Variants in MRPL48 observed in about 807,000 individuals in gnomAD.
MRPL48 encodes mitochondrial ribosomal protein L48, also known as large ribosomal subunit protein mL48.
In MRPL48, 16 loss-of-function variants were observed where a neutral mutation model predicts 32.9. The ratio of observed to expected loss-of-function variants is 0.49; its 90% confidence interval spans 0.33 to 0.74. MRPL48 has a LOEUF of 0.74. MRPL48 is among the 30% of genes least tolerant of loss of function. MRPL48 has a pLI of 0.02. For synonymous variants in MRPL48, 94 were observed against 89.2 expected, an observed-to-expected ratio of 1.05 and a Z score of -0.31; for missense variants, 206 against 245.3, an observed-to-expected ratio of 0.84 and a Z score of 1.07.
rs564332545 is a variant in MRPL48, at chr11:73,794,222, AT to A, written c.21+6231del. Among the ~76,000 whole-genome samples the A allele has an allele frequency of 5.7e-3, 860 of 150,328 alleles. 7 individuals are homozygous for A. The highest frequency in any genetic ancestry group is 0.021 in the Middle Eastern group (6 of 292). On this transcript the variant is annotated intron_variant, in intron 1 of 7. Coordinates refer to ENST00000310614, the MANE Select transcript of MRPL48 (RefSeq NM_016055.6). ...TATCTATCTATCTATCTATCTATCTATCTATCTAAACTATCTGTCTCTGAAT... is the reference window on the plus strand; with the variant it reads ...TATCTATCTATCTATCTATCTATCTACTATCTAAACTATCTGTCTCTGAAT...
chr11:73,825,751 C>T lies in MRPL48; in HGVS notation c.156C>T (p.Pro52=). ...TCAGTCGGCCCTACAAGACAAAGCC[C>T]ACCCACGGCATTGGAAAGTACAAGC... ...LSISRPYKTK[P]THGIGKYKHL... is the part of the protein sequence containing the mutation. The change falls in exon 4 of 8, where the codon CCC becomes CCT. Residue 52 remains proline, a synonymous_variant. Coordinates refer to ENST00000310614, the MANE Select transcript of MRPL48 (RefSeq NM_016055.6). 1 of 1,569,972 alleles carries T rather than the reference C, an allele frequency of 6.4e-7. No homozygotes were observed. Among genetic ancestry groups the T allele is most frequent in the Non-Finnish European group, 8.6e-7 (1 of 1,157,566 alleles).
In MRPL48 at chr11:73,843,981, C is replaced by T. The variant is rs188662578; in HGVS notation, c.202-826C>T. 8.6e-5 allele frequency among the ~76,000 whole-genome samples: 13 copies of T among 151,156 alleles called. No homozygotes were observed. The South Asian group carries it at 1.1e-3, about 12-fold the overall frequency. The stretch of plus-strand genomic sequence containing the variant: ...GTAATCCCAGCTACTTGGGAGGCTG[C>T]GGCAGGAGAATCGCTTGAACCCGGG... On this transcript the variant is annotated intron_variant, in intron 4 of 7. Coordinates refer to ENST00000310614, the MANE Select transcript of MRPL48 (RefSeq NM_016055.6).
chr11:73,802,836 ATCACAG>A (rs1947383378), intron 1 of MRPL48, among the ~76,000 whole-genome samples: 1 of 151,912 alleles, frequency 6.6e-6, no homozygotes. Context: ...AGTAGCTGGG[ATCACAG>A]GTGTGCACCA....
chr11:73,844,222 G>C (rs531247866), intron 4 of MRPL48, among the ~76,000 whole-genome samples: 3 of 152,140 alleles, frequency 2.0e-5, no homozygotes, highest in African/African-American at 7.2e-5. Context: ...CTGAGCTCAG[G>C]AGTTTGAGAC....
intron 3 of MRPL48, among the ~76,000 whole-genome samples, chr11:73,811,515 A>T (rs1363899407): frequency 1.3e-5 from 2 of 152,178 alleles, no homozygotes; most frequent in Non-Finnish European, 2.9e-5. Context: ...ATAGAAGAGT[A>T]AAAGAGTAAT....
intron 4 of MRPL48, among the ~76,000 whole-genome samples, chr11:73,833,298 A>C (rs952376881): frequency 5.3e-5 from 8 of 151,998 alleles, no homozygotes; most frequent in African/African-American, 1.9e-4. Flanking sequence ...GGAGTGACTC[A>C]CGTGAAGACC....
At chr11:73,841,191 G>A (rs1565104258) in intron 4 of MRPL48, among the ~76,000 whole-genome samples, 1 of 152,206 alleles carries the variant, frequency 6.6e-6, no homozygotes, top group Non-Finnish European at 1.5e-5. Context: ...TACACTGCTG[G>A]TGGAAGTCTA....
intron 1 of MRPL48, among the ~76,000 whole-genome samples, chr11:73,791,519 C>T (rs561530853): frequency 2.6e-5 from 4 of 151,686 alleles, no homozygotes; most frequent in Admixed American, 6.6e-5. Flanking sequence ...TGGGCTCAAG[C>T]GATCCTCTCG....
chr11:73,864,604 T>C lies in MRPL48; in HGVS notation c.*234T>C. The stretch of plus-strand genomic sequence containing the variant: ...CTAATAAAAATCTGCTGCAGATGTG[T>C]ATATGTATGTGTGTGTGAGAGAGAG... On this transcript the variant is annotated 3_prime_UTR_variant, in exon 8 of 8. Coordinates refer to ENST00000310614, the MANE Select transcript of MRPL48 (RefSeq NM_016055.6). The C allele has an allele frequency of 5.4e-6, 3 of 557,960 alleles. No homozygotes were observed. The highest frequency in any genetic ancestry group is 9.7e-6 in the Non-Finnish European group (3 of 310,556). 34.6% of individuals were successfully genotyped at this position (557,960 alleles called of 1,614,324 possible).
At chr11:73,810,546 G>A (rs73547509) in intron 3 of MRPL48, among the ~76,000 whole-genome samples, 1,680 of 132,108 alleles carry the variant, frequency 0.013, 32 homozygotes, top group African/African-American at 0.05. Context: ...AAATAAGGAT[G>A]TTTTCTTTCT....
At chr11:73,789,653 T>C (rs1160302842) in intron 1 of MRPL48, among the ~76,000 whole-genome samples, 1 of 152,190 alleles carries the variant, frequency 6.6e-6, no homozygotes, top group African/African-American at 2.4e-5. Flanking sequence ...CACATGGAAT[T>C]GTAGAGACTA....
intron 1 of MRPL48, among the ~76,000 whole-genome samples, chr11:73,797,541 T>C (rs1947278927): frequency 6.6e-6 from 1 of 152,222 alleles, no homozygotes; most frequent in Non-Finnish European, 1.5e-5. Flanking sequence ...TGTTCCCCAG[T>C]GCCAGCTGTG....
chr11:73,813,418 C>T (rs1328724606), intron 3 of MRPL48, among the ~76,000 whole-genome samples: 1 of 152,168 alleles, frequency 6.6e-6, no homozygotes, highest in African/African-American at 2.4e-5. Context: ...AGGTGATTCA[C>T]CCACCTCGGC....
At chr11:73,863,087 T>C in intron 6 of MRPL48, 85 bp from the exon 7 acceptor site, 1 of 1,176,522 alleles carries the variant, frequency 8.5e-7, no homozygotes, top group Non-Finnish European at 1.2e-6. Context: ...CTACTGGAGC[T>C]GGCATTTGAA....
intron 3 of MRPL48, among the ~76,000 whole-genome samples, chr11:73,817,651 T>G (rs1367135013): frequency 6.6e-6 from 1 of 152,192 alleles, no homozygotes; most frequent in African/African-American, 2.4e-5. Context: ...TTGCCCATGT[T>G]TCAACTGTGA....
In MRPL48 at chr11:73,844,750, T is replaced by G. The variant is rs148798263; in HGVS notation, c.202-57T>G. The G allele has an allele frequency of 1.7e-3, 2,546 of 1,517,388 alleles. 34 individuals are homozygous for G. In the African/African-American group the frequency reaches 0.028, roughly 17 times the overall value. The allele number at this position is 1,517,388 out of a possible 1,614,324, so 94.0% of individuals were successfully genotyped here. Reference sequence around the variant, plus strand: ...GACTTTTTAAAATATCAAGATAGTATTATTAGAATTTCTTGTATAATACTT... The same window carrying G: ...GACTTTTTAAAATATCAAGATAGTAGTATTAGAATTTCTTGTATAATACTT... On this transcript the variant is annotated intron_variant, in intron 4 of 7. Coordinates refer to ENST00000310614, the MANE Select transcript of MRPL48 (RefSeq NM_016055.6).
chr11:73,850,152 G>A (rs1312870811), intron 5 of MRPL48, among the ~76,000 whole-genome samples: 1 of 151,040 alleles, frequency 6.6e-6, no homozygotes, highest in Admixed American at 6.6e-5. Context: ...CTGTGGCAAG[G>A]TAGTACATGA....
At chr11:73,805,443 C>T (rs1442269785) in intron 2 of MRPL48, among the ~76,000 whole-genome samples, 1 of 150,490 alleles carries the variant, frequency 6.6e-6, no homozygotes, top group Non-Finnish European at 1.5e-5. Context: ...ATTACATGCA[C>T]CTGCCACCAT....
intron 4 of MRPL48, 47 bp downstream of exon 4, chr11:73,825,843 T>C: frequency 6.8e-7 from 1 of 1,465,824 alleles, no homozygotes; most frequent in Non-Finnish European, 9.3e-7. Flanking sequence ...GTGCAGCTTT[T>C]GCAAAAACCT....
Sources: gnomAD v4.1 joint callset for allele counts (sites outside exome capture counted in the v4.1 genomes callset) on GRCh38, gnomAD v4.1.1 for gene constraint, MANE v1.5 for transcripts, NCBI Gene and HGNC (gene_info 2026-07-23, HGNC 2026-07-21) for gene names.